The following VTI1A variants were observed in gnomAD, a reference collection of about 807,000 sequenced individuals.
VTI1A encodes vesicle transport through interaction with t-SNAREs 1A.
Under a neutral mutation model 34.9 loss-of-function variants are expected in VTI1A, and 22 were observed. The ratio of observed to expected loss-of-function variants is 0.63; its 90% CI spans 0.45 to 0.90. VTI1A has a LOEUF of 0.90. Ranked by LOEUF, VTI1A falls within the 40% of genes least tolerant of loss-of-function variation. The probability of loss-of-function intolerance (pLI) is 0.00; values close to 1 mark genes in which losing one functional copy is unlikely to be tolerated. For missense variants in VTI1A, 268 were observed against 275.6 expected, an observed-to-expected ratio of 0.97 and a Z score of 0.20; for synonymous variants, 87 against 97.3, an observed-to-expected ratio of 0.89 and a Z score of 0.62.
intron 7 of VTI1A, among the ~76,000 whole-genome samples, chr10:112,734,960 A>T (rs750170056): frequency 6.6e-6 from 1 of 152,114 alleles, no homozygotes; most frequent in African/African-American, 2.4e-5. Context: ...GAATGATTTG[A>T]ATTTTCTTCT....
chr10:112,642,863 G>T (rs1846625446), intron 5 of VTI1A, among the ~76,000 whole-genome samples: 1 of 151,940 alleles, frequency 6.6e-6, no homozygotes, highest in Non-Finnish European at 1.5e-5. Context: ...AGGGAAAAAT[G>T]TTGCCAGCTA....
At chr10:112,499,817 G>T (rs574128799) in intron 3 of VTI1A, among the ~76,000 whole-genome samples, 4 of 152,200 alleles carry the variant, frequency 2.6e-5, no homozygotes, top group South Asian at 4.2e-4. Flanking sequence ...ACGTCTCATG[G>T]ATTCCACCTC....
intron 7 of VTI1A, among the ~76,000 whole-genome samples, chr10:112,741,025 G>T (rs181137430): frequency 4.1e-4 from 62 of 152,322 alleles, no homozygotes; most frequent in Middle Eastern, 6.8e-3. Flanking sequence ...CTGAAAACAT[G>T]CTCAGTAAAA....
Position 112,645,942 on chromosome 10 carries a change from G to GTTGT in VTI1A, c.428-22274_428-22273insGTTT, listed in dbSNP as rs770340386. 2.9e-5 allele frequency among the ~76,000 whole-genome samples: 4 copies of GTTGT among 137,324 alleles called. No individual in the cohort carries two copies. In the Admixed American group the frequency reaches 2.9e-4, roughly 10 times the overall value. 90.1% of individuals were successfully genotyped at this position (137,324 alleles called of 152,430 possible). A position where few individuals can be genotyped will look rare whatever the true frequency, so the allele number is the denominator to read the frequency against. On this transcript the variant is annotated intron_variant, in intron 5 of 7. Coordinates refer to ENST00000393077, the MANE Select transcript of VTI1A (RefSeq NM_145206.4). ...AAAAGAAAGAACACCAATATACTGT[G>GTTGT]TTTTTTTTTTTTTTTTGGTTACCTG... is the stretch of plus-strand genomic sequence containing the variant.
intron 5 of VTI1A, among the ~76,000 whole-genome samples, chr10:112,559,945 G>A (rs758176392): frequency 2.6e-5 from 4 of 152,186 alleles, no homozygotes; most frequent in Admixed American, 6.5e-5. Flanking sequence ...GGCCACACAC[G>A]TGTGTGGGGA....
chr10:112,672,471 G>A (rs761000667), intron 7 of VTI1A, among the ~76,000 whole-genome samples: 5 of 152,088 alleles, frequency 3.3e-5, no homozygotes, highest in Non-Finnish European at 7.4e-5. Flanking sequence ...AGCCATCCAG[G>A]GACAAACTGT....
intron 7 of VTI1A, among the ~76,000 whole-genome samples, chr10:112,814,651 C>T (rs940397330): frequency 1.4e-4 from 22 of 152,226 alleles, no homozygotes; most frequent in Admixed American, 1.2e-3. Context: ...ACAACAGGCA[C>T]CTTGAGTACA....
intron 5 of VTI1A, among the ~76,000 whole-genome samples, chr10:112,545,709 A>T (rs1233307900): frequency 6.6e-6 from 1 of 152,198 alleles, no homozygotes; most frequent in Non-Finnish European, 1.5e-5. Context: ...TTTTAACAAG[A>T]TCAGCTATGA....
intron 3 of VTI1A, among the ~76,000 whole-genome samples, chr10:112,511,321 G>A (rs1849601679): frequency 6.7e-6 from 1 of 149,960 alleles, no homozygotes; most frequent in Non-Finnish European, 1.5e-5. Flanking sequence ...TCGGCTCACT[G>A]CAACCTCCGC....
At chr10:112,744,126 A>T (rs1005030003) in intron 7 of VTI1A, among the ~76,000 whole-genome samples, 3 of 152,204 alleles carry the variant, frequency 2.0e-5, no homozygotes, top group Non-Finnish European at 4.4e-5. Flanking sequence ...CGGAAATGTC[A>T]ATTTTATGTG....
chr10:112,623,825 A>T (rs185970632), intron 5 of VTI1A, among the ~76,000 whole-genome samples: 40 of 152,290 alleles, frequency 2.6e-4, no homozygotes, highest in African/African-American at 9.6e-4. Flanking sequence ...GAAAGGGGGA[A>T]AATTGCCTCT....
intron 5 of VTI1A, among the ~76,000 whole-genome samples, chr10:112,663,850 T>C (rs1489506202): frequency 6.6e-6 from 1 of 152,152 alleles, no homozygotes; most frequent in Non-Finnish European, 1.5e-5. Flanking sequence ...TGCTCCAAAT[T>C]GTTAGGAAAT....
chr10:112,703,535 C>A (rs1849084967), intron 7 of VTI1A, among the ~76,000 whole-genome samples: 1 of 151,998 alleles, frequency 6.6e-6, no homozygotes. Context: ...CATTGCACTC[C>A]AGCCTGGGCA....
In VTI1A at chr10:112,767,591, A is replaced by G. The variant is rs541789124; in HGVS notation, c.561-47699A>G. On this transcript the variant is annotated intron_variant, in intron 7 of 7. Coordinates refer to ENST00000393077, the MANE Select transcript of VTI1A (RefSeq NM_145206.4). The surrounding 1 kb of genome is among the most constrained non-coding windows in gnomAD (Gnocchi z 4.0). ...AACAGCATGGCACATACTGGAACAA[A>G]GGGGAGGAGAAACTCCCTAATGTTA... 7.9e-5 allele frequency among the ~76,000 whole-genome samples: 12 copies of G among 152,340 alleles called. No individual in the cohort carries two copies. The East Asian group carries it at 2.3e-3, about 29-fold the overall frequency.
intron 3 of VTI1A, among the ~76,000 whole-genome samples, chr10:112,470,483 A>C (rs1589803157): frequency 6.6e-6 from 1 of 152,176 alleles, no homozygotes; most frequent in East Asian, 1.9e-4. Flanking sequence ...GCAAGAACGG[A>C]GGAAGGCAAG....
chr10:112,658,960 T>C (rs1207419030), intron 5 of VTI1A, among the ~76,000 whole-genome samples: 2 of 152,352 alleles, frequency 1.3e-5, no homozygotes, highest in Non-Finnish European at 2.9e-5. Context: ...GTCCACCCAA[T>C]AGTGACTTCT....
intron 5 of VTI1A, among the ~76,000 whole-genome samples, chr10:112,556,276 A>G (rs1163419402): frequency 6.6e-6 from 1 of 151,988 alleles, no homozygotes; most frequent in African/African-American, 2.4e-5. Flanking sequence ...TTTTCACATC[A>G]TCGTTGTTTT....
intron 5 of VTI1A, among the ~76,000 whole-genome samples, chr10:112,568,127 T>C (rs891560442): frequency 8.7e-5 from 13 of 149,866 alleles, no homozygotes; most frequent in African/African-American, 3.2e-4. Context: ...AGAAAAAATA[T>C]GCTGTGCACC....
rs760687253 is a variant in VTI1A, at chr10:112,464,587, A to G, written c.194A>G (p.Gln65Arg). ...TTGGAAGTCCGAGAGATACCACCCCAAAGTCGAGGGATGTACAGCAACAGA... is the reference window on the plus strand; with the variant it reads ...TTGGAAGTCCGAGAGATACCACCCCGAAGTCGAGGGATGTACAGCAACAGA... ...MDLEVREIPPQSRGMYSNRMR... is the reference protein window; with the variant it reads ...MDLEVREIPPRSRGMYSNRMR... The change falls in exon 3 of 8, where the codon CAA becomes CGA. Residue 65 changes from glutamine (Q) to arginine (R), a missense_variant. Transcript: ENST00000393077. 3.1e-6 allele frequency: 5 copies of G among 1,613,104 alleles called. No homozygotes were observed. The highest frequency in any genetic ancestry group is 4.2e-6 in the Non-Finnish European group (5 of 1,179,290).
Sources: allele counts gnomAD v4.1 joint callset (sites outside exome capture counted in the v4.1 genomes callset), GRCh38; gene constraint gnomAD v4.1.1; non-coding constraint Gnocchi (gnomAD v3.1); transcripts MANE v1.5; gene names NCBI Gene and HGNC (gene_info 2026-07-23, HGNC 2026-07-21).